Variants in ENPP6 observed in about 807,000 individuals in gnomAD.
ENPP6 encodes the protein glycerophosphocholine cholinephosphodiesterase ENPP6.
In ENPP6, 32 loss-of-function variants were observed where a neutral mutation model predicts 42.0. The observed-to-expected ratio is 0.76, with a 90% confidence interval of 0.58 to 1.02. ENPP6 has a LOEUF of 1.02. ENPP6 is among the 50% of genes least tolerant of loss of function. The probability of loss-of-function intolerance (pLI) is 0.00; values close to 1 mark genes in which losing one functional copy is unlikely to be tolerated. For synonymous variants in ENPP6, 213 were observed against 216.0 expected (o/e 0.99, Z 0.12); for missense variants, 552 against 566.8 (o/e 0.97, Z 0.27).
At chr4:184,107,845 G>A (rs1439792130) in intron 6 of ENPP6, among the ~76,000 whole-genome samples, 3 of 151,914 alleles carry the variant, frequency 2.0e-5, no homozygotes, top group Non-Finnish European at 4.4e-5. Flanking sequence ...AACCCGGGAG[G>A]CGGAGCTTGC....
intron 2 of ENPP6, among the ~76,000 whole-genome samples, chr4:184,127,174 T>G (rs922682887): frequency 6.6e-6 from 1 of 152,102 alleles, no homozygotes; most frequent in Non-Finnish European, 1.5e-5. Flanking sequence ...ATATAAAAAG[T>G]GCATATGTGG....
chr4:184,127,177 A>G (rs1429051798), intron 2 of ENPP6, among the ~76,000 whole-genome samples: 13 of 152,266 alleles, frequency 8.5e-5, no homozygotes, highest in Non-Finnish European at 1.6e-4. Context: ...TAAAAAGTGC[A>G]TATGTGGACA....
intron 2 of ENPP6, among the ~76,000 whole-genome samples, chr4:184,147,761 A>C (rs1406649418): frequency 6.6e-6 from 1 of 151,570 alleles, no homozygotes; most frequent in Non-Finnish European, 1.5e-5. Flanking sequence ...TGATTGCACC[A>C]ATGCACTCTA....
intron 2 of ENPP6, among the ~76,000 whole-genome samples, chr4:184,138,542 C>T (rs1241418578): frequency 2.6e-5 from 4 of 152,186 alleles, no homozygotes; most frequent in Non-Finnish European, 5.9e-5. Flanking sequence ...GTCAATGCAT[C>T]TTAGGAATAT....
chr4:184,110,513 C>T (rs1736180789), intron 6 of ENPP6, among the ~76,000 whole-genome samples: 1 of 152,206 alleles, frequency 6.6e-6, no homozygotes, highest in Admixed American at 6.5e-5. Context: ...GCATAATCTT[C>T]AGAGTCCTAC....
intron 1 of ENPP6, among the ~76,000 whole-genome samples, chr4:184,172,366 T>C (rs1381239390): frequency 6.6e-6 from 1 of 152,108 alleles, no homozygotes; most frequent in African/African-American, 2.4e-5. Flanking sequence ...AACACCTGCC[T>C]CCTGAAGAGC....
At chr4:184,158,318 G>C (rs769958226) in intron 1 of ENPP6, among the ~76,000 whole-genome samples, 2 of 152,056 alleles carry the variant, frequency 1.3e-5, no homozygotes, top group Admixed American at 6.6e-5. Context: ...CAATTATTGT[G>C]AACAGTCATC....
intron 1 of ENPP6, among the ~76,000 whole-genome samples, chr4:184,198,301 A>G (rs1486767734): frequency 1.3e-5 from 2 of 152,236 alleles, no homozygotes; most frequent in East Asian, 1.9e-4. Context: ...CTGGTCCCCA[A>G]CGTGGAGACG....
chr4:184,185,981 T>C (rs763687683), intron 1 of ENPP6, among the ~76,000 whole-genome samples: 3 of 152,216 alleles, frequency 2.0e-5, no homozygotes, highest in Non-Finnish European at 2.9e-5. Flanking sequence ...CCCTTACCCA[T>C]GCTGAAGGAT....
chr4:184,177,580 G>T (rs1579650990), intron 1 of ENPP6, among the ~76,000 whole-genome samples: 1 of 152,146 alleles, frequency 6.6e-6, no homozygotes, highest in African/African-American at 2.4e-5. Context: ...TCCCAACAGG[G>T]GTCACCAGAC....
At chr4:184,152,433 G>A (rs1233200283) in intron 2 of ENPP6, among the ~76,000 whole-genome samples, 2 of 151,270 alleles carry the variant, frequency 1.3e-5, no homozygotes, top group East Asian at 1.9e-4. Flanking sequence ...TCAGGCTGCC[G>A]CTGTCCTCAA....
intron 1 of ENPP6, among the ~76,000 whole-genome samples, chr4:184,208,731 G>A (rs1438423350): frequency 6.8e-6 from 1 of 147,064 alleles, no homozygotes; most frequent in Non-Finnish European, 1.5e-5. Context: ...ACTGGGTGGA[G>A]CCCACCACAG....
rs144591385 is a variant in ENPP6, at chr4:184,123,900, G to A, written c.533+261C>T. On this transcript the variant is annotated intron_variant, in intron 3 of 7. Coordinates refer to ENST00000296741, the MANE Select transcript of ENPP6 (RefSeq NM_153343.4). Reference sequence around the variant, plus strand: ...ATGATGACATTTATATTGTTTCTCCGTTGTTTAACAACATAAAAAAGGAGA... The same window carrying A: ...ATGATGACATTTATATTGTTTCTCCATTGTTTAACAACATAAAAAAGGAGA... Among the ~76,000 whole-genome samples, 36 of 152,164 alleles carry A rather than the reference G, an allele frequency of 2.4e-4. No homozygotes were observed. The East Asian group carries it at 4.0e-3, about 17-fold the overall frequency.
intron 6 of ENPP6, among the ~76,000 whole-genome samples, chr4:184,109,171 A>G (rs1736156720): frequency 6.6e-6 from 1 of 152,108 alleles, no homozygotes; most frequent in South Asian, 2.1e-4. Flanking sequence ...AGATCGCACC[A>G]CCGCACTCCA....
In ENPP6 at chr4:184,112,944, T is replaced by G. The variant is rs528531843; in HGVS notation, c.856-135A>C. On this transcript the variant is annotated intron_variant, in intron 5 of 7. Coordinates refer to ENST00000296741, the MANE Select transcript of ENPP6 (RefSeq NM_153343.4). ...GCCAAATACTTGATAGATTTGAATATGTAAAAACAAAAAACTTTTGTCTGT... is the reference window on the plus strand; with the variant it reads ...GCCAAATACTTGATAGATTTGAATAGGTAAAAACAAAAAACTTTTGTCTGT... 1.1e-5 allele frequency: 12 copies of G among 1,082,344 alleles called. 1 individual carries two copies. Among genetic ancestry groups the G allele is most frequent in the Non-Finnish European group, 1.5e-5 (12 of 790,380 alleles). The allele number at this position is 1,082,344 out of a possible 1,614,324, so 67.0% of individuals were successfully genotyped here. A position where few individuals can be genotyped will look rare whatever the true frequency, so the allele number is the denominator to read the frequency against.
intron 6 of ENPP6, among the ~76,000 whole-genome samples, chr4:184,102,239 T>G (rs1306937328): frequency 6.6e-6 from 1 of 152,176 alleles, no homozygotes; most frequent in African/African-American, 2.4e-5. Flanking sequence ...CTTTGAGTGC[T>G]GAGCTGAGCT....
chr4:184,216,277 G>A (rs1302368495), intron 1 of ENPP6, among the ~76,000 whole-genome samples: 1 of 152,196 alleles, frequency 6.6e-6, no homozygotes, highest in South Asian at 2.1e-4. Flanking sequence ...TGTTAATTCT[G>A]TTTATCTTAG....
At chr4:184,217,311 T>C (rs981520199) in intron 1 of ENPP6, among the ~76,000 whole-genome samples, 2 of 152,184 alleles carry the variant, frequency 1.3e-5, no homozygotes, top group African/African-American at 4.8e-5. Context: ...CCACTTTTAA[T>C]ATCGTCAAAT....
rs369526254 is a variant in ENPP6 at position 184,112,664 on chromosome 4, A to T, written c.993+8T>A. ...TAGAGAATAAATTGGCACATATTTC[A>T]TAATTACCTCAGTTATGAACCAGCC... is the stretch of plus-strand genomic sequence containing the variant. On this transcript the variant is annotated splice_region_variant and intron_variant, in intron 6 of 7. Transcript: ENST00000296741. 1.2e-6 allele frequency: 2 copies of T among 1,610,556 alleles called. No homozygotes were observed. The highest frequency in any genetic ancestry group is 1.7e-6 in the Non-Finnish European group (2 of 1,178,882).
Sources: allele counts gnomAD v4.1 joint callset (sites outside exome capture counted in the v4.1 genomes callset), GRCh38; gene constraint gnomAD v4.1.1; transcripts MANE v1.5; gene names NCBI Gene and HGNC (gene_info 2026-07-23, HGNC 2026-07-21).